Variants in ZC3H7A observed in about 807,000 individuals in gnomAD.
ZC3H7A encodes the protein zinc finger CCCH domain-containing protein 7A.
A neutral mutation model predicts 125.5 loss-of-function variants in ZC3H7A; 44 were observed. The ratio of observed to expected loss-of-function variants is 0.35; its 90% CI spans 0.28 to 0.45. The LOEUF (loss-of-function observed/expected upper bound fraction) is 0.45, where lower values mean the gene tolerates loss of function less well. ZC3H7A is among the 20% of genes least tolerant of loss of function. ZC3H7A has a pLI of 1.00. For synonymous variants in ZC3H7A, 399 were observed against 391.2 expected, an observed-to-expected ratio of 1.02 and a Z score of -0.23; for missense variants, 977 against 1,170.7, an observed-to-expected ratio of 0.83 and a Z score of 2.41.
rs2052967181 is a variant in ZC3H7A at position 11,770,871 on chromosome 16, G to A, written c.1020C>T (p.Ser340=). 3 of 1,614,212 alleles carry A rather than the reference G, an allele frequency of 1.9e-6. No individual in the cohort carries two copies. The highest frequency in any genetic ancestry group is 2.5e-6 in the Non-Finnish European group (3 of 1,180,036). Reference sequence around the variant, plus strand: ...TCAAAGGTGGATAAAATTCTGAGAAGGAGGGTGGAGGAGCATACCTCGCAC... The same window carrying A: ...TCAAAGGTGGATAAAATTCTGAGAAAGAGGGTGGAGGAGCATACCTCGCAC... ...PIGARYAPPP[S]FSEFYPPLTS... The change falls in exon 10 of 23, where the codon TCC becomes TCT. Residue 340 remains serine, a synonymous_variant. Coordinates refer to ENST00000355758, the MANE Select transcript of ZC3H7A (RefSeq NM_014153.4).
chr16:11,755,551 TA>T lies in ZC3H7A; in HGVS notation c.2562+685del, dbSNP rs111862291. The stretch of plus-strand genomic sequence containing the variant: ...GCGGGGAATGTAAGGTCCAGCGGGG[TA>T]GACAGCCCACATTCCTGAGCCACCT... On this transcript the variant is annotated intron_variant, in intron 21 of 22. Transcript: ENST00000355758. Among the ~76,000 whole-genome samples the T allele has an allele frequency of 8.3e-3, 1,258 of 152,006 alleles. 22 individuals carry two copies. Among genetic ancestry groups the T allele is most frequent in the African/African-American group, 0.029 (1,196 of 41,410 alleles).
At position 11,782,392 on chromosome 16, in the gene ZC3H7A, G is replaced by T; in HGVS notation, c.-34-4C>A. The T allele has an allele frequency of 6.2e-7, 1 of 1,613,086 alleles. No individual in the cohort carries two copies. The highest frequency in any genetic ancestry group is 1.1e-5 in the South Asian group (1 of 91,068). ...ATCCACTTTCTAAATGAGCAATCTG[G>T]AAAGAAACAAGGCAAAAAAGCACAT... On this transcript the variant is annotated splice_region_variant and splice_polypyrimidine_tract_variant and intron_variant, in intron 1 of 22. Transcript: ENST00000355758.
chr16:11,780,056 G>A (rs2053149809), intron 3 of ZC3H7A, among the ~76,000 whole-genome samples: 1 of 151,462 alleles, frequency 6.6e-6, no homozygotes. Context: ...CATTCTTTTA[G>A]CATGTATAAA....
intron 1 of ZC3H7A, among the ~76,000 whole-genome samples, chr16:11,793,894 G>A (rs975866078): frequency 3.3e-5 from 5 of 152,168 alleles, no homozygotes; most frequent in Non-Finnish European, 7.4e-5. Context: ...CATTTTGGCT[G>A]GAGTTCTTCC....
At chr16:11,785,682 C>T (rs1423808642) in intron 1 of ZC3H7A, among the ~76,000 whole-genome samples, 2 of 152,126 alleles carry the variant, frequency 1.3e-5, no homozygotes, top group African/African-American at 4.8e-5. Flanking sequence ...TGCAGTGGCA[C>T]GATCTCTGCT....
At chr16:11,776,155 T>G (rs1426656452) in intron 7 of ZC3H7A, among the ~76,000 whole-genome samples, 165 bp downstream of exon 7, 2 of 151,216 alleles carry the variant, frequency 1.3e-5, no homozygotes, top group African/African-American at 4.9e-5. Flanking sequence ...AACAAGACTC[T>G]GTCTCAAAAA....
intron 1 of ZC3H7A, among the ~76,000 whole-genome samples, chr16:11,786,096 A>T (rs1184434301): frequency 6.6e-6 from 1 of 152,146 alleles, no homozygotes; most frequent in Non-Finnish European, 1.5e-5. Context: ...TTTTATTTGG[A>T]GCCACGTAAA....
At chr16:11,751,634 C>G in intron 22 of ZC3H7A, 128 bp from the exon 23 acceptor site, 1 of 891,982 alleles carries the variant, frequency 1.1e-6, no homozygotes, top group South Asian at 2.0e-5. Context: ...AATCTCAAGC[C>G]TAGAATGGTA....
At chr16:11,763,360 C>T in intron 16 of ZC3H7A, 118 bp downstream of exon 16, 2 of 1,029,778 alleles carry the variant, frequency 1.9e-6, no homozygotes, top group Non-Finnish European at 2.8e-6. Context: ...CCATCTGCCT[C>T]AGCCTCCCAA....
At position 11,787,755 on chromosome 16, in the gene ZC3H7A, G is replaced by C. The variant is rs534335662; in HGVS notation, c.-34-5367C>G. ...GAGGTCAGGAGTTCGAGACCAGCCT[G>C]GCCAACGTGGTGAAACCCCGTCTCT... On this transcript the variant is annotated intron_variant, in intron 1 of 22. Transcript: ENST00000355758. Among the ~76,000 whole-genome samples the C allele has an allele frequency of 1.8e-4, 27 of 152,274 alleles. No homozygotes were observed. The South Asian group carries it at 4.4e-3, about 25-fold the overall frequency.
At chr16:11,755,015 C>A (rs2052617568) in intron 21 of ZC3H7A, among the ~76,000 whole-genome samples, 1 of 151,624 alleles carries the variant, frequency 6.6e-6, no homozygotes, top group African/African-American at 2.4e-5. Context: ...TGAGACCAGC[C>A]TGGCCAACAT....
intron 1 of ZC3H7A, among the ~76,000 whole-genome samples, chr16:11,793,147 C>T (rs2053379937): frequency 6.6e-6 from 1 of 152,122 alleles, no homozygotes; most frequent in African/African-American, 2.4e-5. Flanking sequence ...GATGTACTAA[C>T]ACAGGACCAA....
chr16:11,755,576 C>G (rs1370423037), intron 21 of ZC3H7A, among the ~76,000 whole-genome samples: 1 of 152,162 alleles, frequency 6.6e-6, no homozygotes, highest in Non-Finnish European at 1.5e-5. Context: ...CCTGAGCCAC[C>G]TGCTGGGGCC....
chr16:11,779,406 A>G (rs1270799975), intron 3 of ZC3H7A, 43 bp from the exon 4 acceptor site: 2 of 1,557,078 alleles, frequency 1.3e-6, no homozygotes, highest in East Asian at 4.5e-5. Flanking sequence ...TTATCAAACA[A>G]GATATGGTAT....
At chr16:11,780,834 A>T (rs990176484) in intron 3 of ZC3H7A, among the ~76,000 whole-genome samples, 1 of 152,176 alleles carries the variant, frequency 6.6e-6, no homozygotes, top group Non-Finnish European at 1.5e-5. Context: ...AAGTCCCAAT[A>T]AACTGGGCTT....
chr16:11,771,163 G>A (rs1453088269), intron 9 of ZC3H7A, among the ~76,000 whole-genome samples, 176 bp from the exon 10 acceptor site: 3 of 152,084 alleles, frequency 2.0e-5, no homozygotes, highest in African/African-American at 7.2e-5. Flanking sequence ...TACGGCAGGC[G>A]GACTGCCTGA....
intron 1 of ZC3H7A, among the ~76,000 whole-genome samples, chr16:11,789,359 A>G (rs2141219391): frequency 6.6e-6 from 1 of 152,170 alleles, no homozygotes; most frequent in African/African-American, 2.4e-5. Context: ...GGTTCAAGCA[A>G]TTCTACTGCC....
intron 1 of ZC3H7A, among the ~76,000 whole-genome samples, chr16:11,786,391 T>C (rs539406556): frequency 3.7e-4 from 56 of 152,214 alleles, no homozygotes; most frequent in Non-Finnish European, 5.6e-4. Flanking sequence ...AGCCTCTATC[T>C]AGCCAAGGTA....
intron 3 of ZC3H7A, 103 bp from the exon 4 acceptor site, chr16:11,779,466 A>G: frequency 2.0e-6 from 2 of 979,418 alleles, no homozygotes; most frequent in South Asian, 1.7e-5. Flanking sequence ...ACAATGTGAC[A>G]GAACAGCAGC....
Sources: allele counts gnomAD v4.1 joint callset (sites outside exome capture counted in the v4.1 genomes callset), GRCh38; gene constraint gnomAD v4.1.1; transcripts MANE v1.5; gene names NCBI Gene and HGNC (gene_info 2026-07-23, HGNC 2026-07-21).